TRPM3: variants seen among roughly 807,000 people sequenced by gnomAD.
TRPM3 encodes the protein transient receptor potential cation channel subfamily M member 3, also known as long transient receptor potential channel 3.
A neutral mutation model predicts 181.2 loss-of-function variants in TRPM3; 77 were observed. The ratio of observed to expected loss-of-function variants is 0.42; its 90% confidence interval spans 0.35 to 0.51. TRPM3 has a LOEUF of 0.51. TRPM3 is among the 20% of genes least tolerant of loss of function. TRPM3 has a pLI of 0.01. For missense variants in TRPM3, 1,759 were observed against 2,196.7 expected, an observed-to-expected ratio of 0.80 and a Z score of 3.98; for synonymous variants, 745 against 796.4, an observed-to-expected ratio of 0.94 and a Z score of 1.09.
Position 71,215,042 on chromosome 9 carries a change from AAAAAC to A in TRPM3, c.183+231606_183+231610del, listed in dbSNP as rs1217350141. Among the ~76,000 whole-genome samples, 7 of 40,760 alleles carry A rather than the reference AAAAAC, an allele frequency of 1.7e-4. 1 individual carries two copies. Among genetic ancestry groups the A allele is most frequent in the East Asian group, 9.0e-4 (1 of 1,106 alleles). 26.7% of individuals were successfully genotyped at this position (40,760 alleles called of 152,430 possible). A position where few individuals can be genotyped will look rare whatever the true frequency, so the allele number is the denominator to read the frequency against. Reference sequence around the variant, plus strand: ...CTGCCTCACCAAAAAACAAAAAAAAAAAAACAAAAAAAAAAAAAAACAACAACCCA... The same window carrying A: ...CTGCCTCACCAAAAAACAAAAAAAAAAAAAAAAAAAAAAAACAACAACCCA... On this transcript the variant is annotated intron_variant, in intron 1 of 24. Transcript: ENST00000357533.
At chr9:70,923,974 ACAAT>A (rs900870093) in intron 1 of TRPM3, among the ~76,000 whole-genome samples, 50 of 151,622 alleles carry the variant, frequency 3.3e-4, no homozygotes, top group African/African-American at 1.0e-3. Flanking sequence ...ATATATACAC[ACAAT>A]CTATCTATCT....
At chr9:71,143,784 G>C (rs932384934) in intron 1 of TRPM3, among the ~76,000 whole-genome samples, 23 of 152,116 alleles carry the variant, frequency 1.5e-4, no homozygotes, top group African/African-American at 5.1e-4. Flanking sequence ...CACAATGGCT[G>C]AACTAATTTA....
chr9:71,194,996 G>A (rs927440721), intron 1 of TRPM3, among the ~76,000 whole-genome samples: 19 of 151,738 alleles, frequency 1.3e-4, no homozygotes, highest in African/African-American at 1.2e-4. Flanking sequence ...AGCATCTCTC[G>A]TTTCATTAAG....
At chr9:70,566,528 G>A (rs2050634189) in intron 22 of TRPM3, among the ~76,000 whole-genome samples, 1 of 152,268 alleles carries the variant, frequency 6.6e-6, no homozygotes, top group South Asian at 2.1e-4. Flanking sequence ...ATAACAGTAA[G>A]GCGTTATTAT....
intron 1 of TRPM3, among the ~76,000 whole-genome samples, chr9:71,194,874 A>G (rs756874419): frequency 3.2e-4 from 49 of 152,120 alleles, no homozygotes; most frequent in Middle Eastern, 3.4e-3. Flanking sequence ...AAGCAATCAT[A>G]TGTTACCAAA....
chr9:71,164,390 C>T (rs971779476), intron 1 of TRPM3, among the ~76,000 whole-genome samples: 10 of 152,106 alleles, frequency 6.6e-5, no homozygotes, highest in Non-Finnish European at 1.0e-4. Flanking sequence ...GTTGAGTTTA[C>T]CCCAGATAGT....
At chr9:70,956,070 T>C (rs979572795) in intron 1 of TRPM3, among the ~76,000 whole-genome samples, 1 of 152,190 alleles carries the variant, frequency 6.6e-6, no homozygotes, top group Non-Finnish European at 1.5e-5. Context: ...TATTTAGCAC[T>C]ATCATTTGAA....
intron 1 of TRPM3, among the ~76,000 whole-genome samples, chr9:71,095,499 C>A (rs2066992262): frequency 6.6e-6 from 1 of 152,036 alleles, no homozygotes; most frequent in Non-Finnish European, 1.5e-5. Context: ...TGGCTTACGC[C>A]TGTAATCCCA....
intron 1 of TRPM3, among the ~76,000 whole-genome samples, chr9:70,993,582 A>G (rs1222638393): frequency 6.6e-6 from 1 of 152,104 alleles, no homozygotes; most frequent in Admixed American, 6.5e-5. Context: ...TCCAAATGGA[A>G]ATGCCAAGTC....
chr9:71,446,845 G>C, upstream of TRPM3: 3 of 1,532,194 alleles, frequency 2.0e-6, no homozygotes, highest in Non-Finnish European at 2.6e-6. Context: ...TGAGAAGTTC[G>C]CCTCCCTCGG....
intron 1 of TRPM3, among the ~76,000 whole-genome samples, chr9:71,284,207 C>T (rs1227860743): frequency 6.6e-6 from 1 of 152,188 alleles, no homozygotes; most frequent in Non-Finnish European, 1.5e-5. Context: ...AAAAGCAAAC[C>T]TAAAAGCTAG....
At chr9:70,973,926 A>G (rs537883404) in intron 1 of TRPM3, among the ~76,000 whole-genome samples, 8 of 152,354 alleles carry the variant, frequency 5.3e-5, no homozygotes, top group African/African-American at 1.7e-4. Context: ...TGGATGTCTA[A>G]AAGGACAATC....
intron 1 of TRPM3, among the ~76,000 whole-genome samples, chr9:71,320,144 T>C (rs2132460081): frequency 6.6e-6 from 1 of 151,510 alleles, no homozygotes; most frequent in Non-Finnish European, 1.5e-5. Flanking sequence ...GTGTGAAAGG[T>C]ATATTAAAAA....
chr9:70,960,073 C>T (rs1008232915), intron 1 of TRPM3, among the ~76,000 whole-genome samples: 1 of 152,032 alleles, frequency 6.6e-6, no homozygotes, highest in Admixed American at 6.6e-5. Flanking sequence ...GGGAACTCCC[C>T]AACAATCTCT....
At chr9:71,133,424 C>T (rs908020374) in intron 1 of TRPM3, among the ~76,000 whole-genome samples, 8 of 151,604 alleles carry the variant, frequency 5.3e-5, no homozygotes, top group Admixed American at 1.3e-4. Context: ...CCTCCCCTCC[C>T]GAGTAGCTGG....
At chr9:70,983,160 T>C (rs2097380796) in intron 1 of TRPM3, among the ~76,000 whole-genome samples, 1 of 152,118 alleles carries the variant, frequency 6.6e-6, no homozygotes, top group Admixed American at 6.6e-5. Context: ...TGTAAATCAC[T>C]TCCTTCTACA....
At chr9:70,824,221 A>G (rs2093399410) in intron 6 of TRPM3, among the ~76,000 whole-genome samples, 1 of 150,374 alleles carries the variant, frequency 6.7e-6, no homozygotes, top group Admixed American at 6.7e-5. Context: ...TTAGCAAGGA[A>G]ATGCTGAGGG....
rs556119047 is a variant in TRPM3, at chr9:70,995,053, G to A, written c.177+126125C>T. ...GCAACTTTTGCAAAAATCAGAGCAT[G>A]TAGGTCTTCATGATTCCAGCCGTGT... On this transcript the variant is annotated intron_variant, in intron 1 of 25. Transcript: ENST00000677713. Among the ~76,000 whole-genome samples the A allele has an allele frequency of 2.0e-5, 3 of 152,286 alleles. No individual in the cohort carries two copies. In the South Asian group the frequency reaches 6.2e-4, roughly 32 times the overall value.
intron 8 of TRPM3, among the ~76,000 whole-genome samples, chr9:70,747,372 A>T (rs2075352467): frequency 6.6e-6 from 1 of 152,168 alleles, no homozygotes; most frequent in Non-Finnish European, 1.5e-5. Context: ...GAGTGCTCTA[A>T]GCTTGAACAA....
Sources: allele counts gnomAD v4.1 joint callset (sites outside exome capture counted in the v4.1 genomes callset), GRCh38; gene constraint gnomAD v4.1.1; transcripts MANE v1.5; gene names NCBI Gene and HGNC (gene_info 2026-07-23, HGNC 2026-07-21).